The following SAMHD1 variants were observed in gnomAD, a reference collection of about 807,000 sequenced individuals.
SAMHD1 encodes deoxynucleoside triphosphate triphosphohydrolase SAMHD1.
A neutral mutation model predicts 79.6 loss-of-function variants in SAMHD1; 54 were observed. That is an observed-to-expected ratio of 0.68 (90% CI 0.55 to 0.85). The LOEUF is 0.85. Ranked by LOEUF, SAMHD1 falls within the 40% of genes least tolerant of loss-of-function variation. The probability of loss-of-function intolerance (pLI) is 0.00; values close to 1 mark genes in which losing one functional copy is unlikely to be tolerated. For synonymous variants in SAMHD1, 260 were observed against 264.1 expected (o/e 0.98, Z 0.15); for missense variants, 663 against 782.7 (o/e 0.85, Z 1.82).
chr20:36,903,580 T>G (rs1480567583), intron 13 of SAMHD1, among the ~76,000 whole-genome samples: 1 of 111,492 alleles, frequency 9.0e-6, no homozygotes, highest in Non-Finnish European at 1.8e-5. Flanking sequence ...GAGACAGTCT[T>G]ACTCTGCTGC....
At position 36,942,344 on chromosome 20, in the gene SAMHD1, G is replaced by T. The variant is rs142983750; in HGVS notation, c.276-1233C>A. Among the ~76,000 whole-genome samples, 1,455 of 152,192 alleles carry T rather than the reference G, an allele frequency of 9.6e-3. 7 individuals are homozygous for T. The highest frequency in any genetic ancestry group is 0.015 in the Non-Finnish European group (1,041 of 68,012). On this transcript the variant is annotated intron_variant, in intron 2 of 15. Transcript: ENST00000646673. Reference sequence around the variant, plus strand: ...GAGGCAGGAGAATTGCTTGAACCCGGGAGGCGGAGATTGCGGTGAGCCGAG... The same window carrying T: ...GAGGCAGGAGAATTGCTTGAACCCGTGAGGCGGAGATTGCGGTGAGCCGAG...
At position 36,951,479 on chromosome 20, in the gene SAMHD1, C is replaced by A; in HGVS notation, c.165G>T (p.Arg55Ser). The change falls in exon 1 of 16, where the codon AGG becomes AGT. Residue 55 changes from arginine to serine, a missense_variant. Coordinates refer to ENST00000646673, the MANE Select transcript of SAMHD1 (RefSeq NM_015474.4). ...WGPEQVCSFLRRGGFEEPVLL... is the reference protein window; with the variant it reads ...WGPEQVCSFLSRGGFEEPVLL... Reference sequence around the variant, plus strand: ...GCACCGGCTCTTCAAAGCCACCGCGCCTGAGGAAGGAGCACACCTGCTCCG... The same window carrying A: ...GCACCGGCTCTTCAAAGCCACCGCGACTGAGGAAGGAGCACACCTGCTCCG... 6.2e-7 allele frequency: 1 copy of A among 1,614,186 alleles called. No individual in the cohort carries two copies. The highest frequency in any genetic ancestry group is 2.2e-5 in the East Asian group (1 of 44,884).
intron 13 of SAMHD1, among the ~76,000 whole-genome samples, chr20:36,901,670 A>G (rs575877723): frequency 2.0e-5 from 3 of 151,904 alleles, no homozygotes; most frequent in African/African-American, 7.2e-5. Context: ...CAGGAGTTTG[A>G]GGTTATAATG....
intron 2 of SAMHD1, among the ~76,000 whole-genome samples, chr20:36,942,214 G>A (rs1198212759): frequency 3.3e-5 from 5 of 152,292 alleles, no homozygotes; most frequent in South Asian, 2.1e-4. Flanking sequence ...TTGGGAGCTC[G>A]AGACAAGCCT....
chr20:36,946,289 T>G (rs2063685742), intron 2 of SAMHD1: 1 of 159,650 alleles, frequency 6.3e-6, no homozygotes, highest in African/African-American at 2.4e-5. Flanking sequence ...GGCAGGCGCC[T>G]GTAGTCCCAG....
At chr20:36,914,597 T>A (rs555841799) in intron 9 of SAMHD1, among the ~76,000 whole-genome samples, 46 of 151,716 alleles carry the variant, frequency 3.0e-4, no homozygotes, top group African/African-American at 1.1e-3. Context: ...TAACCTCAGG[T>A]GATCTGCCCA....
chr20:36,934,811 A>G lies in SAMHD1; in HGVS notation c.509+218T>C, dbSNP rs980434377. On this transcript the variant is annotated intron_variant, in intron 4 of 15. Coordinates refer to ENST00000646673, the MANE Select transcript of SAMHD1 (RefSeq NM_015474.4). ...GTAGCTAGGATTACAGGTGCGCACA[A>G]TCATGTCTGGCTAATTTTGTATTTG... is the stretch of plus-strand genomic sequence containing the variant. The G allele has an allele frequency of 1.5e-5, 7 of 466,914 alleles. No individual in the cohort carries two copies. In the Admixed American group the frequency reaches 1.9e-4, roughly 13 times the overall value. The allele number at this position is 466,914 out of a possible 1,614,324, so 28.9% of individuals were successfully genotyped here.
At chr20:36,926,728 G>A (rs6030210) in intron 6 of SAMHD1, among the ~76,000 whole-genome samples, 147 of 152,154 alleles carry the variant, frequency 9.7e-4, no homozygotes, top group African/African-American at 3.3e-3. Context: ...CAAAATATGG[G>A]ACAGCCACCT....
chr20:36,946,065 T>C (rs1367774817), intron 2 of SAMHD1, among the ~76,000 whole-genome samples: 1 of 151,336 alleles, frequency 6.6e-6, no homozygotes, highest in African/African-American at 2.4e-5. Context: ...AGCGGATCAC[T>C]TGAGGCCAAG....
intron 4 of SAMHD1, among the ~76,000 whole-genome samples, chr20:36,931,528 T>G (rs941689660): frequency 6.6e-6 from 1 of 152,076 alleles, no homozygotes; most frequent in Non-Finnish European, 1.5e-5. Context: ...TCCCAGCTAT[T>G]TGGGAGGCTG....
At chr20:36,947,350 T>TGTGTGTG (rs1568785869) in intron 1 of SAMHD1, among the ~76,000 whole-genome samples, 1 of 114,722 alleles carries the variant, frequency 8.7e-6, no homozygotes, top group Admixed American at 8.8e-5. Context: ...TGTGTGTGTG[T>TGTGTGTG]CCTGGGAAAG....
chr20:36,926,149 T>C (rs1238072071), intron 6 of SAMHD1, among the ~76,000 whole-genome samples: 1 of 152,048 alleles, frequency 6.6e-6, no homozygotes, highest in Non-Finnish European at 1.5e-5. Context: ...ACAACCTTAT[T>C]TATAACAACC....
At chr20:36,900,989 A>G (rs898826492) in intron 13 of SAMHD1, among the ~76,000 whole-genome samples, 5 of 152,174 alleles carry the variant, frequency 3.3e-5, no homozygotes, top group African/African-American at 1.2e-4. Context: ...TATATACACT[A>G]TGTACCCCAT....
chr20:36,946,703 T>A, intron 2 of SAMHD1, 35 bp downstream of exon 2: 1 of 1,528,172 alleles, frequency 6.5e-7, no homozygotes, highest in Non-Finnish European at 9.0e-7. Context: ...TAAAGTGTGT[T>A]TGGTTATAAC....
rs537270421 is a variant in SAMHD1 at position 36,891,432 on chromosome 20, A to C, written c.*1500T>G. ...GGCTTAGTCCGGGGAGCATCAGAGC[A>C]GAAGACATTCGGGGCTCATGGCTCC... On this transcript the variant is annotated 3_prime_UTR_variant, in exon 16 of 16. Transcript: ENST00000646673. 1 of 152,300 alleles carries C rather than the reference A, an allele frequency of 6.6e-6. No homozygotes were observed. The highest frequency in any genetic ancestry group is 1.5e-5 in the Non-Finnish European group (1 of 68,092). 9.4% of individuals were successfully genotyped at this position (152,300 alleles called of 1,614,324 possible). A position where few individuals can be genotyped will look rare whatever the true frequency, so the allele number is the denominator to read the frequency against.
In SAMHD1 at chr20:36,893,089, C is replaced by A. The variant is rs749631141; in HGVS notation, c.1747-23G>T. The A allele has an allele frequency of 5.6e-6, 9 of 1,610,614 alleles. No individual in the cohort carries two copies. The East Asian group carries it at 1.6e-4, about 28-fold the overall frequency. ...ATCCTATTAGGAAGAGAGAGAAAAACAGGCAATAGAGAAAAGCCAGTTTCC... is the reference window on the plus strand; with the variant it reads ...ATCCTATTAGGAAGAGAGAGAAAAAAAGGCAATAGAGAAAAGCCAGTTTCC... On this transcript the variant is annotated intron_variant, in intron 15 of 15. Transcript: ENST00000646673.
chr20:36,899,273 A>G (rs1263213197), intron 13 of SAMHD1, among the ~76,000 whole-genome samples: 1 of 151,466 alleles, frequency 6.6e-6, no homozygotes, highest in East Asian at 1.9e-4. Context: ...AAAAAAAAAA[A>G]AAAAATTAGC....
At chr20:36,943,093 G>C (rs1252719883) in intron 2 of SAMHD1, among the ~76,000 whole-genome samples, 1 of 152,126 alleles carries the variant, frequency 6.6e-6, no homozygotes, top group Non-Finnish European at 1.5e-5. Flanking sequence ...AATTAATCTT[G>C]GGGTGAACTC....
rs180787225 is a variant in SAMHD1 at position 36,948,631 on chromosome 20, G to C, written c.209-1827C>G. Among the ~76,000 whole-genome samples, 7 of 151,486 alleles carry C rather than the reference G, an allele frequency of 4.6e-5. No individual in the cohort carries two copies. In the East Asian group the frequency reaches 1.2e-3, roughly 25 times the overall value. ...CACCTGTAATCCCAGCACTTTGGGA[G>C]GCCAAGGCGTGTGAATCATCAGGTC... On this transcript the variant is annotated intron_variant, in intron 1 of 15. Coordinates refer to ENST00000646673, the MANE Select transcript of SAMHD1 (RefSeq NM_015474.4).
Sources: gnomAD v4.1 joint callset for allele counts (sites outside exome capture counted in the v4.1 genomes callset) on GRCh38, gnomAD v4.1.1 for gene constraint, MANE v1.5 for transcripts, NCBI Gene and HGNC (gene_info 2026-07-23, HGNC 2026-07-21) for gene names.